ZBTB24: variants seen among roughly 807,000 people sequenced by gnomAD.
ZBTB24 encodes the protein zinc finger and BTB domain-containing protein 24.
ZBTB24 carries 32 observed loss-of-function variants against 53.8 expected under a neutral mutation model. That is an observed-to-expected ratio of 0.60 (90% CI 0.45 to 0.80). ZBTB24 has a LOEUF of 0.80. Among genes scored for constraint, ZBTB24 ranks in the 30% least tolerant of loss-of-function variants. The pLI, the probability that ZBTB24 is intolerant of heterozygous loss-of-function variation, is 0.00. For missense variants in ZBTB24, 722 were observed against 837.1 expected, an observed-to-expected ratio of 0.86 and a Z score of 1.70; for synonymous variants, 297 against 306.7, an observed-to-expected ratio of 0.97 and a Z score of 0.33.
At chr6:109,476,995 AT>A in intron 2 of ZBTB24, 65 bp from the exon 3 acceptor site, 2 of 1,576,134 alleles carry the variant, frequency 1.3e-6, no homozygotes, top group South Asian at 1.1e-5. Flanking sequence ...TCTCTCCCAA[AT>A]TAAAAAAACA....
chr6:109,479,367 C>T (rs1483096292), intron 2 of ZBTB24, among the ~76,000 whole-genome samples: 2 of 152,106 alleles, frequency 1.3e-5, no homozygotes, highest in African/African-American at 4.8e-5. Context: ...GGTCATTTAC[C>T]CACGTGACTG....
intron 2 of ZBTB24, among the ~76,000 whole-genome samples, chr6:109,479,773 G>T (rs1477605097): frequency 6.6e-6 from 1 of 152,024 alleles, no homozygotes; most frequent in African/African-American, 2.4e-5. Context: ...AAAATTAGCT[G>T]GGCGTGGTGG....
In ZBTB24 at chr6:109,466,262, A is replaced by C. The variant is rs369925142; in HGVS notation, c.1683T>G (p.His561Gln). 9 of 1,614,112 alleles carry C rather than the reference A, an allele frequency of 5.6e-6. No individual in the cohort carries two copies. In the African/African-American group the frequency reaches 1.2e-4, roughly 22 times the overall value. ...TAGGACCGGGCATGAAATTGATGTT[A>C]TGTACAGAATCGGTTACGAGAAGCT... ...EIQLLVTDSV[H>Q]NINFMPGPSQ... Residue 561 changes from histidine to glutamine, a missense_variant, in exon 7 of 7, where the codon CAT (histidine) becomes CAG (glutamine). Coordinates refer to ENST00000230122, the MANE Select transcript of ZBTB24 (RefSeq NM_014797.3).
At chr6:109,467,627 C>A (rs374795834) in intron 6 of ZBTB24, 26 bp downstream of exon 6, 2 of 1,613,940 alleles carry the variant, frequency 1.2e-6, no homozygotes, top group African/African-American at 2.7e-5. Flanking sequence ...GGCCTCCATG[C>A]GAGAAAAATA....
intron 2 of ZBTB24, among the ~76,000 whole-genome samples, 172 bp from the exon 3 acceptor site, chr6:109,477,102 T>C (rs1045249831): frequency 1.3e-5 from 2 of 152,210 alleles, no homozygotes; most frequent in Non-Finnish European, 2.9e-5. Context: ...CAGATGAATC[T>C]GAAGCCAGCA....
At chr6:109,482,933 C>A (rs1776463837) in intron 1 of ZBTB24, among the ~76,000 whole-genome samples, 165 bp downstream of exon 1, 2 of 152,194 alleles carry the variant, frequency 1.3e-5, no homozygotes, top group Non-Finnish European at 2.9e-5. Context: ...CGGAGCCCCC[C>A]GCAGCCCCGG....
At chr6:109,480,972 C>A in intron 2 of ZBTB24, 103 bp downstream of exon 2, 1 of 1,547,064 alleles carries the variant, frequency 6.5e-7, no homozygotes, top group Non-Finnish European at 8.7e-7. Context: ...GGCTTTATTA[C>A]AATGCCCATC....
At chr6:109,469,597 T>C (rs1377458861) in intron 5 of ZBTB24, among the ~76,000 whole-genome samples, 1 of 152,196 alleles carries the variant, frequency 6.6e-6, no homozygotes, top group Non-Finnish European at 1.5e-5. Context: ...GAGACACCCA[T>C]TCCTTAAATT....
intron 2 of ZBTB24, among the ~76,000 whole-genome samples, chr6:109,480,043 C>T (rs1776368083): frequency 6.6e-6 from 1 of 150,486 alleles, no homozygotes; most frequent in Non-Finnish European, 1.5e-5. Flanking sequence ...TAGCTAAAGT[C>T]TTTAGGGAGC....
In ZBTB24 at chr6:109,475,418, T is replaced by C. The variant is rs533134899; in HGVS notation, c.1269A>G (p.Lys423=). The change falls in exon 5 of 7, where the codon AAA becomes AAG. Residue 423 remains lysine, a synonymous_variant. Coordinates refer to ENST00000230122, the MANE Select transcript of ZBTB24 (RefSeq NM_014797.3). ...TTTTACCTGTGTGTGTTCGCAGATG[T>C]TTCTTTAGCTGAGACACATCCATGA... is the stretch of plus-strand genomic sequence containing the variant. ...RKFMDVSQLK[K]HLRTHTGEKP... The C allele has an allele frequency of 2.1e-5, 34 of 1,614,074 alleles. No homozygotes were observed. The highest frequency in any genetic ancestry group is 2.8e-5 in the Non-Finnish European group (33 of 1,180,044).
At chr6:109,482,187 T>G in intron 1 of ZBTB24, 133 bp from the exon 2 acceptor site, 2 of 772,870 alleles carry the variant, frequency 2.6e-6, no homozygotes, top group Non-Finnish European at 4.3e-6. Flanking sequence ...GTCTACAAAC[T>G]TAGCTCTGGG....
chr6:109,469,230 G>C (rs979449512), intron 5 of ZBTB24, among the ~76,000 whole-genome samples: 9 of 152,204 alleles, frequency 5.9e-5, no homozygotes, highest in African/African-American at 2.2e-4. Flanking sequence ...TCTGATCTTG[G>C]TTGGTTTTCT....
rs1305560029 is a variant in ZBTB24, at chr6:109,481,349, A to G, written c.678T>C (p.Ser226=). Residue 226 remains serine, a synonymous_variant, in exon 2 of 7, where the codon AGT becomes AGC. Transcript: ENST00000230122. ...TTTCAACTGGCATTTCCTCCTCTCT[A>G]CTTGGCTCACAAGTAGGCTCCGATT... ...KEESEPTCEP[S]REEEMPVEKD... 5.0e-6 allele frequency: 8 copies of G among 1,613,998 alleles called. No individual in the cohort carries two copies. The highest frequency in any genetic ancestry group is 6.8e-6 in the Non-Finnish European group (8 of 1,180,004).
At chr6:109,476,973 CA>C (rs757856152) in intron 2 of ZBTB24, 43 bp from the exon 3 acceptor site, 6 of 1,605,008 alleles carry the variant, frequency 3.7e-6, no homozygotes, top group Non-Finnish European at 4.3e-6. Context: ...TAAGAATCCA[CA>C]CATTTTTCTG....
At position 109,476,909 on chromosome 6, in the gene ZBTB24, T is replaced by C; in HGVS notation, c.974A>G (p.Asn325Ser). 1.9e-6 allele frequency: 3 copies of C among 1,614,074 alleles called. No individual in the cohort carries two copies. The highest frequency in any genetic ancestry group is 2.2e-5 in the East Asian group (1 of 44,868). ...SHTGERPFKCNECGKGFAQKH... is the reference protein window; with the variant it reads ...SHTGERPFKCSECGKGFAQKH... ...CTGGGCAAAGCCTTTTCCACACTCA[T>C]TACATTTGAAAGGTCGCTCCCCTGG... Residue 325 changes from asparagine to serine, a missense_variant, in exon 3 of 7, where the codon AAT becomes AGT. Coordinates refer to ENST00000230122, the MANE Select transcript of ZBTB24 (RefSeq NM_014797.3).
At chr6:109,467,578 G>T in intron 6 of ZBTB24, 75 bp downstream of exon 6, 1 of 1,610,252 alleles carries the variant, frequency 6.2e-7, no homozygotes. Flanking sequence ...AACTATATAG[G>T]TAACACATGT....
intron 2 of ZBTB24, among the ~76,000 whole-genome samples, chr6:109,480,582 T>C (rs1332687749): frequency 8.3e-6 from 1 of 121,122 alleles, no homozygotes; most frequent in Non-Finnish European, 1.8e-5. Context: ...TAAAGCTAGA[T>C]AGCTGAGTTA....
chr6:109,468,649 T>A (rs925173744), intron 5 of ZBTB24, among the ~76,000 whole-genome samples: 2 of 152,158 alleles, frequency 1.3e-5, no homozygotes, highest in Non-Finnish European at 2.9e-5. Context: ...TTATTATCCA[T>A]TTCTTCCTTT....
At position 109,481,695 on chromosome 6, in the gene ZBTB24, G is replaced by C; in HGVS notation, c.332C>G (p.Ala111Gly). ...ASEKSTEQIL[A>G]TAQFLKVYDL... ...ATAGACTTTTAAGAACTGAGCAGTA[G>C]CCAGGATTTGTTCTGTACTTTTCTC... is the stretch of plus-strand genomic sequence containing the variant. The change falls in exon 2 of 7, where the codon GCT becomes GGT. Residue 111 changes from alanine (A) to glycine (G), a missense_variant. Coordinates refer to ENST00000230122, the MANE Select transcript of ZBTB24 (RefSeq NM_014797.3). The C allele has an allele frequency of 6.2e-7, 1 of 1,614,216 alleles. No homozygotes were observed. The highest frequency in any genetic ancestry group is 8.5e-7 in the Non-Finnish European group (1 of 1,180,048).
Sources: allele counts gnomAD v4.1 joint callset (sites outside exome capture counted in the v4.1 genomes callset), GRCh38; gene constraint gnomAD v4.1.1; transcripts MANE v1.5; gene names NCBI Gene and HGNC (gene_info 2026-07-23, HGNC 2026-07-21).